SPPL2A: variants seen among roughly 807,000 people sequenced by gnomAD.
SPPL2A encodes the protein signal peptide peptidase-like 2A.
In SPPL2A, 51 loss-of-function variants were observed where a neutral mutation model predicts 63.8. The observed-to-expected ratio is 0.80, with a 90% CI of 0.64 to 1.01. The LOEUF (loss-of-function observed/expected upper bound fraction) is 1.01, where lower values mean the gene tolerates loss of function less well. Among genes scored for constraint, SPPL2A ranks in the 50% least tolerant of loss-of-function variants. The pLI, the probability that SPPL2A is intolerant of heterozygous loss-of-function variation, is 0.00. For missense variants in SPPL2A, 553 were observed against 622.7 expected, an observed-to-expected ratio of 0.89 and a Z score of 1.19; for synonymous variants, 188 against 205.8, an observed-to-expected ratio of 0.91 and a Z score of 0.74.
chr15:50,729,957 G>A lies in SPPL2A; in HGVS notation c.1089+1008C>T, dbSNP rs188440610. ...GGAGTTTGAGGCTGCAGTGAACTAGGACTGTGCCATTGCACTTCAGCCTCA... is the reference window on the plus strand; with the variant it reads ...GGAGTTTGAGGCTGCAGTGAACTAGAACTGTGCCATTGCACTTCAGCCTCA... On this transcript the variant is annotated intron_variant, in intron 10 of 14. Transcript: ENST00000261854. Among the ~76,000 whole-genome samples the A allele has an allele frequency of 7.1e-3, 1,066 of 149,200 alleles. 10 individuals are homozygous for A. The highest frequency in any genetic ancestry group is 0.021 in the Middle Eastern group (6 of 284).
At chr15:50,749,925 TAC>T (rs1370465769) in intron 1 of SPPL2A, 179 bp from the exon 2 acceptor site, 5 of 595,076 alleles carry the variant, frequency 8.4e-6, no homozygotes, top group Non-Finnish European at 1.5e-5. Flanking sequence ...ATTAAAACTA[TAC>T]ACAATTGCCC....
chr15:50,740,913 T>C (rs1450219541), intron 5 of SPPL2A, among the ~76,000 whole-genome samples: 1 of 152,122 alleles, frequency 6.6e-6, no homozygotes, highest in East Asian at 1.9e-4. Context: ...CAGCCGCTTC[T>C]CTTAAATGTA....
At chr15:50,729,377 T>C (rs1000204551) in intron 10 of SPPL2A, among the ~76,000 whole-genome samples, 1 of 152,234 alleles carries the variant, frequency 6.6e-6, no homozygotes, top group Non-Finnish European at 1.5e-5. Flanking sequence ...AAGGTGCTAG[T>C]AAAATGGTTT....
At chr15:50,765,167 T>G (rs1431650820) in intron 1 of SPPL2A, among the ~76,000 whole-genome samples, 1 of 151,704 alleles carries the variant, frequency 6.6e-6, no homozygotes, top group African/African-American at 2.4e-5. Flanking sequence ...TCGAGAAGCA[T>G]CAAGGTCAAC....
At position 50,707,866 on chromosome 15, in the gene SPPL2A, G is replaced by T. The variant is rs2062523421; in HGVS notation, c.1497C>A (p.Asp499Glu). The T allele has an allele frequency of 6.3e-7, 1 of 1,580,944 alleles. No homozygotes were observed. The stretch of plus-strand genomic sequence containing the variant: ...CTTCATTTGTTGCACAATCCAAATG[G>T]TCCATCATCTAGGCATAAATAAAAG... ...FWKGNSYQMM[D>E]HLDCATNEEN... Residue 499 changes from aspartate to glutamate, a missense_variant, in exon 15 of 15, where the codon GAC (aspartate) becomes GAA (glutamate). Asp to Glu is a conservative substitution (Grantham distance 45, BLOSUM62 2). Coordinates refer to ENST00000261854, the MANE Select transcript of SPPL2A (RefSeq NM_032802.4).
chr15:50,726,350 C>T lies in SPPL2A; in HGVS notation c.1117G>A (p.Ala373Thr), dbSNP rs550930877. 1.2e-5 allele frequency: 20 copies of T among 1,613,968 alleles called. No individual in the cohort carries two copies. Among genetic ancestry groups the T allele is most frequent in the South Asian group, 1.2e-4 (11 of 91,068 alleles). The change falls in exon 11 of 15, where the codon GCA (alanine) becomes ACA (threonine). Residue 373 changes from alanine (A) to threonine (T), a missense_variant. Physicochemically the swap from Ala to Thr is moderately conservative, Grantham distance 58. Transcript: ENST00000261854. Reference protein sequence around the residue: ...KNGESIMVELAAGPFGNNEKL... With the variant: ...KNGESIMVELTAGPFGNNEKL... Reference sequence around the variant, plus strand: ...TCATTATTTCCAAAAGGTCCAGCTGCGAGTTCAACCATGATACTCTCACCA... The same window carrying T: ...TCATTATTTCCAAAAGGTCCAGCTGTGAGTTCAACCATGATACTCTCACCA...
chr15:50,728,372 C>G (rs952679263), intron 10 of SPPL2A, among the ~76,000 whole-genome samples: 6 of 152,164 alleles, frequency 3.9e-5, no homozygotes, highest in African/African-American at 1.4e-4. Context: ...GAGACGGAGT[C>G]TCACTCTGTT....
At position 50,748,826 on chromosome 15, in the gene SPPL2A, G is replaced by T; in HGVS notation, c.222C>A (p.Asn74Lys). 1 of 1,609,780 alleles carries T rather than the reference G, an allele frequency of 6.2e-7. No individual in the cohort carries two copies. The highest frequency in any genetic ancestry group is 8.5e-7 in the Non-Finnish European group (1 of 1,178,476). ...TGCCAACAGGAGGAATATCAGAAAG[G>T]TTGCATAGTGGTGTGGAAGTCAGAT... ...LMNLTSTPLC[N>K]LSDIPPVGIK... The change falls in exon 3 of 15, where the codon AAC (asparagine) becomes AAA (lysine). Residue 74 changes from asparagine to lysine, a missense_variant. Asn to Lys is a moderately conservative substitution (Grantham distance 94). Coordinates refer to ENST00000261854, the MANE Select transcript of SPPL2A (RefSeq NM_032802.4).
chr15:50,738,395 A>G lies in SPPL2A; in HGVS notation c.733+1285T>C, dbSNP rs141316647. On this transcript the variant is annotated intron_variant, in intron 6 of 14. Transcript: ENST00000261854. ...GAAATCCCGTCTGTACTAACAATAC[A>G]AAAATTAGTCGGGCACAGTGGCGCA... Among the ~76,000 whole-genome samples the G allele has an allele frequency of 3.1e-4, 47 of 152,012 alleles. 1 individual carries two copies. The East Asian group carries it at 8.5e-3, about 28-fold the overall frequency.
At chr15:50,753,270 A>G (rs1362068581) in intron 1 of SPPL2A, among the ~76,000 whole-genome samples, 2 of 152,322 alleles carry the variant, frequency 1.3e-5, no homozygotes, top group East Asian at 3.9e-4. Context: ...GAGCTTGAGG[A>G]AAAATGTGGA....
chr15:50,763,416 T>C (rs917960508), intron 1 of SPPL2A, among the ~76,000 whole-genome samples: 3 of 152,196 alleles, frequency 2.0e-5, no homozygotes, highest in Non-Finnish European at 4.4e-5. Context: ...AAAAAGATCC[T>C]TACAATTTAA....
At chr15:50,717,342 T>G (rs564990790) in intron 14 of SPPL2A, among the ~76,000 whole-genome samples, 1 of 152,092 alleles carries the variant, frequency 6.6e-6, no homozygotes, top group Non-Finnish European at 1.5e-5. Flanking sequence ...GCCCAGCAAA[T>G]TTTTTCTTTT....
At chr15:50,721,145 T>G (rs1430296237) in intron 13 of SPPL2A, among the ~76,000 whole-genome samples, 1 of 151,954 alleles carries the variant, frequency 6.6e-6, no homozygotes, top group Non-Finnish European at 1.5e-5. Context: ...GCAATTTTCT[T>G]GCCTCAGCCT....
intron 14 of SPPL2A, among the ~76,000 whole-genome samples, chr15:50,709,990 A>G (rs925829282): frequency 1.5e-4 from 23 of 152,176 alleles, no homozygotes; most frequent in African/African-American, 4.6e-4. Flanking sequence ...TACATGAAAC[A>G]TAAGATGAAG....
chr15:50,734,887 T>A (rs568829445), intron 8 of SPPL2A, among the ~76,000 whole-genome samples: 2 of 152,002 alleles, frequency 1.3e-5, no homozygotes, highest in African/African-American at 4.8e-5. Flanking sequence ...TATCATAGAG[T>A]ATATTCTCTC....
At chr15:50,714,182 C>G (rs748203152) in intron 14 of SPPL2A, among the ~76,000 whole-genome samples, 1 of 152,178 alleles carries the variant, frequency 6.6e-6, no homozygotes, top group Non-Finnish European at 1.5e-5. Context: ...TGTTTTTATA[C>G]GCTTTTAAAC....
chr15:50,712,564 C>T (rs944474512), intron 14 of SPPL2A, among the ~76,000 whole-genome samples: 12 of 151,988 alleles, frequency 7.9e-5, no homozygotes, highest in Non-Finnish European at 1.3e-4. Context: ...CTCTGCCTAG[C>T]CTTAACAGAT....
rs920831658 is a variant in SPPL2A at position 50,703,160 on chromosome 15, G to A, written c.*4640C>T. The A allele has an allele frequency of 6.7e-6, 1 of 149,686 alleles. No individual in the cohort carries two copies. The highest frequency in any genetic ancestry group is 1.5e-5 in the Non-Finnish European group (1 of 67,598). 9.3% of individuals were successfully genotyped at this position (149,686 alleles called of 1,614,324 possible). ...AGCTCACTACAGCCTCAAACTCCTG[G>A]GCTCAAGGGACCCTCCCATCTCAGC... is the stretch of plus-strand genomic sequence containing the variant. On this transcript the variant is annotated 3_prime_UTR_variant, in exon 15 of 15. Transcript: ENST00000261854.
At chr15:50,708,638 G>A (rs750843625) in intron 14 of SPPL2A, among the ~76,000 whole-genome samples, 6 of 150,104 alleles carry the variant, frequency 4.0e-5, no homozygotes, top group Non-Finnish European at 5.9e-5. Flanking sequence ...CCCAGGAGGC[G>A]GAGGTTGCAG....
Sources: gnomAD v4.1 joint callset for allele counts (sites outside exome capture counted in the v4.1 genomes callset) on GRCh38, gnomAD v4.1.1 for gene constraint, MANE v1.5 for transcripts, NCBI Gene and HGNC (gene_info 2026-07-23, HGNC 2026-07-21) for gene names.